VEZT: variants seen among roughly 807,000 people sequenced by gnomAD.
The protein encoded by VEZT is vezatin.
In VEZT, 39 loss-of-function variants were observed where a neutral mutation model predicts 79.9. The ratio of observed to expected loss-of-function variants is 0.49; its 90% CI spans 0.38 to 0.64. The LOEUF (loss-of-function observed/expected upper bound fraction) is 0.64, where lower values mean the gene tolerates loss of function less well. VEZT is among the 30% of genes least tolerant of loss of function. VEZT has a pLI of 0.00. For synonymous variants in VEZT, 325 were observed against 327.6 expected, an observed-to-expected ratio of 0.99 and a Z score of 0.09; for missense variants, 837 against 893.1, an observed-to-expected ratio of 0.94 and a Z score of 0.80.
chr12:95,240,691 A>C (rs918935665), intron 1 of VEZT, among the ~76,000 whole-genome samples: 19 of 152,224 alleles, frequency 1.2e-4, no homozygotes, highest in Non-Finnish European at 1.9e-4. Context: ...TTTCACTCTT[A>C]GAAAGCCTGT....
At chr12:95,233,437 T>C (rs749252907) in intron 1 of VEZT, among the ~76,000 whole-genome samples, 1 of 152,216 alleles carries the variant, frequency 6.6e-6, no homozygotes, top group Non-Finnish European at 1.5e-5. Context: ...TCTCACTCTC[T>C]TGCCGAGGCT....
intron 7 of VEZT, among the ~76,000 whole-genome samples, chr12:95,279,877 G>A (rs1324670023): frequency 3.3e-5 from 5 of 152,216 alleles, no homozygotes; most frequent in East Asian, 3.9e-4. Context: ...GAGCCACTGC[G>A]CCTGGCCTTT....
At chr12:95,284,394 T>C (rs192552312) in intron 8 of VEZT, among the ~76,000 whole-genome samples, 3 of 152,132 alleles carry the variant, frequency 2.0e-5, no homozygotes, top group East Asian at 3.9e-4. Flanking sequence ...TGGAACCATA[T>C]TGTCTCTTCC....
In VEZT at chr12:95,257,207, T is replaced by C. The variant is rs1298518657; in HGVS notation, c.226T>C (p.Cys76Arg). 1.2e-6 allele frequency: 2 copies of C among 1,611,134 alleles called. No individual in the cohort carries two copies. Among genetic ancestry groups the C allele is most frequent in the Non-Finnish European group, 1.7e-6 (2 of 1,178,812 alleles). Residue 76 changes from cysteine (C) to arginine (R), a missense_variant, in exon 3 of 12, where the codon TGC becomes CGC. Cys to Arg is a radical substitution (Grantham distance 180). Coordinates refer to ENST00000436874, the MANE Select transcript of VEZT (RefSeq NM_017599.4). ...TIKSWIFFSQ[C>R]NKKDDLLHKL... ...CAAAAGTTGGATTTTTTTTTCTCAGTGCAATAAGAAAGATGACTTACTTCA... is the reference window on the plus strand; with the variant it reads ...CAAAAGTTGGATTTTTTTTTCTCAGCGCAATAAGAAAGATGACTTACTTCA...
At chr12:95,262,849 G>A (rs565714888) in intron 3 of VEZT, 57 bp from the exon 4 acceptor site, 19 of 1,393,968 alleles carry the variant, frequency 1.4e-5, no homozygotes, top group East Asian at 9.5e-5. Context: ...GGAGCTTAGC[G>A]TTTAATGCAA....
rs765418476 is a variant in VEZT, at chr12:95,300,822, C to G, written c.*149C>G. 19 of 1,126,732 alleles carry G rather than the reference C, an allele frequency of 1.7e-5. No homozygotes were observed. The highest frequency in any genetic ancestry group is 2.2e-5 in the Non-Finnish European group (19 of 861,784). The allele number at this position is 1,126,732 out of a possible 1,614,324, so 69.8% of individuals were successfully genotyped here. A position where few individuals can be genotyped will look rare whatever the true frequency, so the allele number is the denominator to read the frequency against. On this transcript the variant is annotated 3_prime_UTR_variant, in exon 12 of 12. Coordinates refer to ENST00000436874, the MANE Select transcript of VEZT (RefSeq NM_017599.4). The stretch of plus-strand genomic sequence containing the variant: ...AAGAACCCTGGTTTGAATAACTGAT[C>G]TGAAATTAGTAGTTACCTGTAAATG...
At chr12:95,250,059 T>A (rs1183551295) in intron 1 of VEZT, among the ~76,000 whole-genome samples, 1 of 117,256 alleles carries the variant, frequency 8.5e-6, no homozygotes, top group African/African-American at 3.6e-5. Flanking sequence ...CTAATTATAG[T>A]CTTTTTTTTT....
At chr12:95,243,763 G>A (rs2061356469) in intron 1 of VEZT, among the ~76,000 whole-genome samples, 1 of 152,198 alleles carries the variant, frequency 6.6e-6, no homozygotes, top group African/African-American at 2.4e-5. Context: ...TTCATGGATG[G>A]CTTGGTGCCA....
At position 95,257,150 on chromosome 12, in the gene VEZT, C is replaced by G; in HGVS notation, c.169C>G (p.Gln57Glu). 6.2e-7 allele frequency: 1 copy of G among 1,607,802 alleles called. No individual in the cohort carries two copies. The highest frequency in any genetic ancestry group is 8.5e-7 in the Non-Finnish European group (1 of 1,177,226). ...ATACAATGTCATTCATTTCCTTCAG[C>G]AAGGTATCCTGTTAAAAGTGGCTGA... ...QKPPTRVLPKQGILLKVAETI... is the reference protein window; with the variant it reads ...QKPPTRVLPKEGILLKVAETI... The change falls in exon 3 of 12, where the codon CAA becomes GAA. Residue 57 changes from glutamine to glutamate, a missense_variant and splice_region_variant. Coordinates refer to ENST00000436874, the MANE Select transcript of VEZT (RefSeq NM_017599.4).
At chr12:95,276,382 A>T (rs1321652508) in intron 7 of VEZT, among the ~76,000 whole-genome samples, 4 of 142,880 alleles carry the variant, frequency 2.8e-5, no homozygotes, top group African/African-American at 1.1e-4. Flanking sequence ...TGATCCTCCT[A>T]CCTCAGCCTC....
At chr12:95,275,331 G>A (rs1030684525) in intron 7 of VEZT, among the ~76,000 whole-genome samples, 7 of 152,074 alleles carry the variant, frequency 4.6e-5, no homozygotes, top group Admixed American at 3.9e-4. Flanking sequence ...GGTGGCTCAC[G>A]CCTGTAATCC....
At chr12:95,232,886 T>G (rs2059463325) in intron 1 of VEZT, among the ~76,000 whole-genome samples, 1 of 151,932 alleles carries the variant, frequency 6.6e-6, no homozygotes, top group South Asian at 2.1e-4. Flanking sequence ...GCTCACTGCA[T>G]CCTCTACTTC....
At chr12:95,239,982 G>GAGA (rs1555246324) in intron 1 of VEZT, among the ~76,000 whole-genome samples, 15 of 131,728 alleles carry the variant, frequency 1.1e-4, no homozygotes, top group African/African-American at 2.2e-4. Flanking sequence ...GAGAGAGAGA[G>GAGA]GAGAGAGAGA....
chr12:95,258,077 C>G (rs538628256), intron 3 of VEZT, among the ~76,000 whole-genome samples: 1 of 152,290 alleles, frequency 6.6e-6, no homozygotes, highest in South Asian at 2.1e-4. Flanking sequence ...TCTGCTATAG[C>G]ATACGACCTC....
At chr12:95,219,600 A>G (rs1387890720) in intron 1 of VEZT, among the ~76,000 whole-genome samples, 1 of 152,210 alleles carries the variant, frequency 6.6e-6, no homozygotes, top group Non-Finnish European at 1.5e-5. Flanking sequence ...TTTTTAAAAA[A>G]ATACCATTGT....
At chr12:95,290,148 A>G (rs960427272) in intron 9 of VEZT, among the ~76,000 whole-genome samples, 3 of 152,172 alleles carry the variant, frequency 2.0e-5, no homozygotes, top group Non-Finnish European at 4.4e-5. Flanking sequence ...TAGATTGTGC[A>G]TGGTGTTCAG....
At chr12:95,267,204 C>G (rs1455880529) in intron 5 of VEZT, among the ~76,000 whole-genome samples, 1 of 152,132 alleles carries the variant, frequency 6.6e-6, no homozygotes, top group East Asian at 1.9e-4. Flanking sequence ...ACTACTTAAT[C>G]TATTATTAAA....
At chr12:95,232,034 T>G (rs993202839) in intron 1 of VEZT, among the ~76,000 whole-genome samples, 20 of 152,214 alleles carry the variant, frequency 1.3e-4, no homozygotes, top group Non-Finnish European at 2.6e-4. Context: ...GCAGCTAGCC[T>G]GGAAAAACAT....
chr12:95,286,400 C>T (rs2070883743), intron 8 of VEZT: 6 of 509,506 alleles, frequency 1.2e-5, no homozygotes, highest in Non-Finnish European at 2.3e-5. Flanking sequence ...TGTGCCAGCA[C>T]CAAGTCTGCC....
Sources: gnomAD v4.1 joint callset for allele counts (sites outside exome capture counted in the v4.1 genomes callset) on GRCh38, gnomAD v4.1.1 for gene constraint, MANE v1.5 for transcripts, NCBI Gene and HGNC (gene_info 2026-07-23, HGNC 2026-07-21) for gene names.